The following KLF12 variants were observed in gnomAD, a reference collection of about 807,000 sequenced individuals.
KLF12 encodes Krueppel-like factor 12.
Under a neutral mutation model 37.8 loss-of-function variants are expected in KLF12, and 9 were observed. The ratio of observed to expected loss-of-function variants is 0.24; its 90% CI spans 0.14 to 0.42. The LOEUF (loss-of-function observed/expected upper bound fraction) is 0.42, where lower values mean the gene tolerates loss of function less well. Ranked by LOEUF, KLF12 falls within the 10% of genes least tolerant of loss-of-function variation. KLF12 has a pLI of 1.00. For missense variants in KLF12, 411 were observed against 516.0 expected (o/e 0.80, Z 1.97); for synonymous variants, 208 against 202.1 (o/e 1.03, Z -0.25).
the KLF12 span, among the ~76,000 whole-genome samples, chr13:74,304,282 T>G: frequency 1.7e-4 from 26 of 152,288 alleles, no homozygotes; most frequent in East Asian, 4.8e-3. Context: ...TGTGGAAATT[T>G]TTTTTCTCTT....
chr13:73,804,254 A>G (rs1882444841), intron 5 of KLF12, among the ~76,000 whole-genome samples: 1 of 152,196 alleles, frequency 6.6e-6, no homozygotes, highest in South Asian at 2.1e-4. Context: ...AGTTCATCCC[A>G]TAAAGTTTGA....
At chr13:74,069,764 G>C (rs1000032488) in intron 1 of KLF12, among the ~76,000 whole-genome samples, 1 of 152,134 alleles carries the variant, frequency 6.6e-6, no homozygotes, top group Non-Finnish European at 1.5e-5. Context: ...AGGTATATCA[G>C]CATGACTTGG....
Position 73,823,902 on chromosome 13 carries a change from G to T in KLF12, c.671-10615C>A, listed in dbSNP as rs974403245. Among the ~76,000 whole-genome samples the T allele has an allele frequency of 7.2e-5, 11 of 152,104 alleles. No individual in the cohort carries two copies. The East Asian group carries it at 1.7e-3, about 24-fold the overall frequency. ...TTTTAGTATTTTTAGTAGAGACAGG[G>T]TTTCATCTTACTGGAAAGGCTGATC... is the stretch of plus-strand genomic sequence containing the variant. On this transcript the variant is annotated intron_variant, in intron 4 of 7. Coordinates refer to ENST00000377669, the MANE Select transcript of KLF12 (RefSeq NM_007249.5).
At chr13:73,844,591 T>TA (rs1884918970) in intron 4 of KLF12, 1 of 152,176 alleles carries the variant, frequency 6.6e-6, no homozygotes, top group Non-Finnish European at 1.5e-5. Flanking sequence ...TCACGTGTGA[T>TA]AAAGAAACTC....
chr13:73,937,317 T>A (rs1023077522), intron 3 of KLF12, among the ~76,000 whole-genome samples: 5 of 152,192 alleles, frequency 3.3e-5, no homozygotes, highest in East Asian at 1.9e-4. Context: ...CAGATTTTTT[T>A]AAAAAAATTC....
At chr13:73,793,126 C>T (rs1881780623) in intron 5 of KLF12, among the ~76,000 whole-genome samples, 1 of 152,214 alleles carries the variant, frequency 6.6e-6, no homozygotes, top group South Asian at 2.1e-4. Flanking sequence ...TAACAGGAAG[C>T]TGCAGCAACT....
At position 73,954,269 on chromosome 13, in the gene KLF12, C is replaced by T. The variant is rs1890757473; in HGVS notation, c.34-10199G>A. On this transcript the variant is annotated intron_variant, in intron 2 of 7. Transcript: ENST00000377669. ...CTGGGATTACAGACGAAACCCACCG[C>T]ACCCAGCCCGGTTTTGTCTTTTTCT... Among the ~76,000 whole-genome samples the T allele has an allele frequency of 2.0e-5, 3 of 152,110 alleles. No individual in the cohort carries two copies. In the South Asian group the frequency reaches 6.2e-4, roughly 31 times the overall value.
chr13:73,776,516 G>C (rs1566360315), intron 5 of KLF12, among the ~76,000 whole-genome samples: 1 of 152,156 alleles, frequency 6.6e-6, no homozygotes. Flanking sequence ...AATAGGATTG[G>C]ACAAATAGCA....
the KLF12 span, among the ~76,000 whole-genome samples, chr13:74,225,740 G>A: frequency 6.6e-6 from 1 of 152,156 alleles, no homozygotes; most frequent in South Asian, 2.1e-4. Context: ...TAGAAACAAT[G>A]TGCTCTATGG....
chr13:73,955,038 G>C (rs558781148), intron 2 of KLF12, among the ~76,000 whole-genome samples: 1 of 152,252 alleles, frequency 6.6e-6, no homozygotes, highest in African/African-American at 2.4e-5. Flanking sequence ...AGGTGTATGA[G>C]ACTTTCTTCT....
chr13:73,785,571 C>T (rs559149622), intron 5 of KLF12, among the ~76,000 whole-genome samples: 2 of 152,112 alleles, frequency 1.3e-5, no homozygotes, highest in Admixed American at 1.3e-4. Context: ...ACAAACTCAA[C>T]ATATCTAAAA....
the KLF12 span, among the ~76,000 whole-genome samples, chr13:74,300,655 C>T: frequency 7.2e-5 from 11 of 152,062 alleles, no homozygotes; most frequent in East Asian, 1.9e-4. Flanking sequence ...TAGAAGTCAT[C>T]GCGTATAGCT....
intron 3 of KLF12, among the ~76,000 whole-genome samples, chr13:73,865,761 T>C (rs1886145277): frequency 1.3e-5 from 2 of 152,008 alleles, no homozygotes; most frequent in African/African-American, 2.4e-5. Context: ...GATAAGAAAA[T>C]TGTACTCCAA....
intron 3 of KLF12, among the ~76,000 whole-genome samples, chr13:73,908,052 T>G (rs1205622191): frequency 6.6e-6 from 1 of 152,160 alleles, no homozygotes; most frequent in Non-Finnish European, 1.5e-5. Context: ...ACTGCATCTT[T>G]CAGGTCTTGG....
chr13:74,142,917 A>G, the KLF12 span, among the ~76,000 whole-genome samples: 1 of 152,298 alleles, frequency 6.6e-6, no homozygotes, highest in Admixed American at 6.5e-5. Flanking sequence ...ATACATATGA[A>G]GTTAAAATGA....
the KLF12 span, among the ~76,000 whole-genome samples, chr13:74,175,091 TG>T: frequency 6.6e-6 from 1 of 152,302 alleles, no homozygotes; most frequent in African/African-American, 2.4e-5. Flanking sequence ...AGTACTGCTT[TG>T]GGAAATTAAT....
intron 3 of KLF12, among the ~76,000 whole-genome samples, chr13:73,849,205 T>A (rs1465524994): frequency 1.3e-5 from 2 of 151,990 alleles, no homozygotes; most frequent in African/African-American, 4.8e-5. Flanking sequence ...ATTCATTTCT[T>A]TACTTTTAGG....
the KLF12 span, among the ~76,000 whole-genome samples, chr13:74,281,597 T>C: frequency 6.6e-6 from 1 of 152,348 alleles, no homozygotes; most frequent in African/African-American, 2.4e-5. Flanking sequence ...GAATCTAAGT[T>C]TAGAAACAGA....
intron 3 of KLF12, among the ~76,000 whole-genome samples, chr13:73,909,049 G>A (rs73524872): frequency 0.049 from 7,411 of 152,228 alleles, 420 homozygotes; most frequent in African/African-American, 0.14. Context: ...CCCTTCTCCA[G>A]TAGTGCTCAC....
Sources: gnomAD v4.1 joint callset for allele counts (sites outside exome capture counted in the v4.1 genomes callset) on GRCh38, gnomAD v4.1.1 for gene constraint, MANE v1.5 for transcripts, NCBI Gene and HGNC (gene_info 2026-07-23, HGNC 2026-07-21) for gene names.